SMC5: variants seen among roughly 807,000 people sequenced by gnomAD.
SMC5 encodes the protein structural maintenance of chromosomes protein 5.
A neutral mutation model predicts 148.3 loss-of-function variants in SMC5; 88 were observed. That is an observed-to-expected ratio of 0.59 (90% CI 0.50 to 0.71). The LOEUF (loss-of-function observed/expected upper bound fraction) is 0.71. Ranked by LOEUF, SMC5 falls within the 30% of genes least tolerant of loss-of-function variation. SMC5 has a pLI of 0.00. For missense variants in SMC5, 1,142 were observed against 1,298.9 expected (o/e 0.88, Z 1.86); for synonymous variants, 421 against 432.8 (o/e 0.97, Z 0.34).
Position 70,318,910 on chromosome 9 carries a change from G to A in SMC5, c.2097G>A (p.Glu699=), listed in dbSNP as rs925787056. 3.1e-6 allele frequency: 5 copies of A among 1,611,138 alleles called. No individual in the cohort carries two copies. Among genetic ancestry groups the A allele is most frequent in the Admixed American group, 3.4e-5 (2 of 59,542 alleles). ...GACAAAAGAAGAAGGAGCTTCTTGA[G>A]AGAAAAACCAAGAAAAGACAACTGG... ...ELRQKKKELL[E]RKTKKRQLEQ... Residue 699 remains glutamate (E), a synonymous_variant, in exon 15 of 25, where the codon GAG becomes GAA. Coordinates refer to ENST00000361138, the MANE Select transcript of SMC5 (RefSeq NM_015110.4).
intron 17 of SMC5, among the ~76,000 whole-genome samples, chr9:70,329,265 G>A (rs1174659522): frequency 6.6e-6 from 1 of 152,138 alleles, no homozygotes; most frequent in East Asian, 1.9e-4. Context: ...CTGCATGGTT[G>A]GGCTGCAAGT....
Position 70,352,259 on chromosome 9 carries a change from G to T in SMC5, c.3234G>T (p.Leu1078=). The T allele has an allele frequency of 1.2e-6, 2 of 1,613,734 alleles. No individual in the cohort carries two copies. The highest frequency in any genetic ancestry group is 1.7e-6 in the Non-Finnish European group (2 of 1,179,884). Residue 1078 remains leucine (L), a synonymous_variant, in exon 25 of 25, where the codon CTG becomes CTT. Coordinates refer to ENST00000361138, the MANE Select transcript of SMC5 (RefSeq NM_015110.4). The part of the protein sequence containing the change: ...VLFVYNGPHM[L]EPNTWNLKAF... ...TTGTCTACAATGGCCCTCATATGCT[G>T]GAACCAAACACATGGAATTTAAAGG...
chr9:70,329,011 C>G (rs189969146), intron 17 of SMC5, among the ~76,000 whole-genome samples: 2 of 152,300 alleles, frequency 1.3e-5, no homozygotes, highest in Admixed American at 6.5e-5. Flanking sequence ...TTAGCCACAC[C>G]CGGAGTGGCT....
chr9:70,343,917 C>CT (rs2036591685), intron 17 of SMC5, among the ~76,000 whole-genome samples: 3 of 152,048 alleles, frequency 2.0e-5, no homozygotes, highest in Non-Finnish European at 4.4e-5. Context: ...TTTTACACCT[C>CT]TTATGGATTA....
Position 70,259,338 on chromosome 9 carries a change from G to A in SMC5, c.185+75G>A, listed in dbSNP as rs527588752. On this transcript the variant is annotated intron_variant, in intron 1 of 24. Transcript: ENST00000361138. ...AGGCCCCGGGGCTCCGGCAGCGCGC[G>A]GGCGTGGGCGTGTGGGTGTGTACCT... The A allele has an allele frequency of 1.7e-4, 243 of 1,441,698 alleles. 1 individual carries two copies. The East Asian group carries it at 4.7e-3, about 28-fold the overall frequency. 89.3% of individuals were successfully genotyped at this position (1,441,698 alleles called of 1,614,324 possible). A position where few individuals can be genotyped will look rare whatever the true frequency, so the allele number is the denominator to read the frequency against.
At chr9:70,352,081 T>C (rs186135550) in intron 24 of SMC5, 110 bp from the exon 25 acceptor site, 1 of 1,083,564 alleles carries the variant, frequency 9.2e-7, no homozygotes, top group Non-Finnish European at 1.3e-6. Flanking sequence ...AAAAAAAAAG[T>C]TTTATTAATA....
chr9:70,299,380 A>G (rs894300820), intron 9 of SMC5, among the ~76,000 whole-genome samples: 2 of 151,874 alleles, frequency 1.3e-5, no homozygotes, highest in African/African-American at 4.8e-5. Context: ...GAGGGAAAAA[A>G]AAAGCTGTCT....
At chr9:70,291,711 G>A (rs1262046809) in intron 8 of SMC5, among the ~76,000 whole-genome samples, 2 of 152,168 alleles carry the variant, frequency 1.3e-5, no homozygotes, top group East Asian at 3.9e-4. Flanking sequence ...CTGTTTTGCA[G>A]TGGTGAGCTG....
chr9:70,331,466 A>G (rs932806290), intron 17 of SMC5, among the ~76,000 whole-genome samples: 1 of 151,916 alleles, frequency 6.6e-6, no homozygotes, highest in African/African-American at 2.4e-5. Context: ...GAAATTATTG[A>G]TAATGTTTTT....
chr9:70,302,133 A>T (rs924922797), intron 10 of SMC5, among the ~76,000 whole-genome samples: 2 of 152,190 alleles, frequency 1.3e-5, no homozygotes, highest in Non-Finnish European at 2.9e-5. Context: ...GCATTTTGGG[A>T]GGCCGAGGTA....
At chr9:70,294,841 A>C (rs1311659848) in intron 8 of SMC5, among the ~76,000 whole-genome samples, 9 of 152,158 alleles carry the variant, frequency 5.9e-5, no homozygotes, top group Non-Finnish European at 1.5e-5. Flanking sequence ...AGATATGTTT[A>C]AGTCACATGA....
At chr9:70,318,716 A>G in intron 14 of SMC5, 29 bp downstream of exon 14, 1 of 1,566,256 alleles carries the variant, frequency 6.4e-7, no homozygotes, top group African/African-American at 1.4e-5. Flanking sequence ...AATGTTAGAA[A>G]AGAATATTAA....
At chr9:70,350,031 CAGTT>C (rs1308705098) in intron 22 of SMC5, 79 bp from the exon 23 acceptor site, 10 of 954,708 alleles carry the variant, frequency 1.0e-5, no homozygotes, top group Admixed American at 9.0e-5. Flanking sequence ...TACTCTTACT[CAGTT>C]AATTCAATCC....
intron 13 of SMC5, among the ~76,000 whole-genome samples, chr9:70,318,188 G>A (rs1587686787): frequency 6.6e-6 from 1 of 151,986 alleles, no homozygotes; most frequent in African/African-American, 2.4e-5. Context: ...CAAGACCAGC[G>A]CCCCCATAGG....
In SMC5 at chr9:70,352,457, AC is replaced by A; in HGVS notation, c.*127del. ...TATTTTTGGAAACCTGCTTTTAAAT[AC>A]AAATAGGTTGATAATGGAAACTATA... On this transcript the variant is annotated 3_prime_UTR_variant, in exon 25 of 25. Transcript: ENST00000361138. The A allele has an allele frequency of 1.1e-6, 1 of 933,496 alleles. No homozygotes were observed. Among genetic ancestry groups the A allele is most frequent in the Non-Finnish European group, 1.6e-6 (1 of 631,742 alleles). The allele number at this position is 933,496 out of a possible 1,614,324, so 57.8% of individuals were successfully genotyped here.
At chr9:70,279,529 A>C (rs183395462) in intron 5 of SMC5, among the ~76,000 whole-genome samples, 53 of 149,482 alleles carry the variant, frequency 3.5e-4, no homozygotes, top group Admixed American at 9.3e-4. Flanking sequence ...AAAAAAATGG[A>C]AATCTGGCTG....
In SMC5 at chr9:70,347,608, G is replaced by T; in HGVS notation, c.2665-5G>T. The T allele has an allele frequency of 6.7e-7, 1 of 1,486,890 alleles. No homozygotes were observed. 92.1% of individuals were successfully genotyped at this position (1,486,890 alleles called of 1,614,324 possible). A position where few individuals can be genotyped will look rare whatever the true frequency, so the allele number is the denominator to read the frequency against. On this transcript the variant is annotated splice_polypyrimidine_tract_variant and splice_region_variant and intron_variant, in intron 20 of 24. Transcript: ENST00000361138. ...TCTTAAAGAAGTTTTTTTTTCCCCT[G>T]CCAGATTGTTCAGGAATATACAAAA...
rs1277243523 is a variant in SMC5 at position 70,264,361 on chromosome 9, C to G, written c.243C>G (p.Ala81=). The G allele has an allele frequency of 1.9e-6, 3 of 1,613,872 alleles. No homozygotes were observed. The East Asian group carries it at 6.7e-5, about 36-fold the overall frequency. ...PGPHLNMIVG[A]NGTGKSSIVC... is the part of the protein sequence containing the mutation. ...CCCACTTGAATATGATCGTTGGAGC[C>G]AATGGAACAGGGAAGTCGAGCATTG... Residue 81 remains alanine, a synonymous_variant, in exon 2 of 25, where the codon GCC becomes GCG. Coordinates refer to ENST00000361138, the MANE Select transcript of SMC5 (RefSeq NM_015110.4).
At chr9:70,327,130 A>T (rs2036101982) in intron 17 of SMC5, among the ~76,000 whole-genome samples, 1 of 152,200 alleles carries the variant, frequency 6.6e-6, no homozygotes, top group East Asian at 1.9e-4. Flanking sequence ...TACTAAAAAG[A>T]CCTAGATTAT....
Sources: allele counts gnomAD v4.1 joint callset (sites outside exome capture counted in the v4.1 genomes callset), GRCh38; gene constraint gnomAD v4.1.1; transcripts MANE v1.5; gene names NCBI Gene and HGNC (gene_info 2026-07-23, HGNC 2026-07-21).